Variants in PTPRK observed in about 807,000 individuals in gnomAD.
PTPRK encodes receptor-type tyrosine-protein phosphatase kappa.
In PTPRK, 75 loss-of-function variants were observed where a neutral mutation model predicts 178.0. That is an observed-to-expected ratio of 0.42 (90% CI 0.35 to 0.51). The LOEUF (loss-of-function observed/expected upper bound fraction) is 0.51. PTPRK is among the 20% of genes least tolerant of loss of function. The pLI is 0.02. For missense variants in PTPRK, 1,441 were observed against 1,797.8 expected, an observed-to-expected ratio of 0.80 and a Z score of 3.59; for synonymous variants, 637 against 620.6, an observed-to-expected ratio of 1.03 and a Z score of -0.39.
chr6:128,399,965 A>C (rs983326754), intron 1 of PTPRK, among the ~76,000 whole-genome samples: 6 of 152,320 alleles, frequency 3.9e-5, no homozygotes, highest in African/African-American at 1.4e-4. Context: ...TCTAATTTAC[A>C]ACAAGGTCTA....
At chr6:128,256,053 G>T (rs528253156) in intron 3 of PTPRK, among the ~76,000 whole-genome samples, 49 of 152,302 alleles carry the variant, frequency 3.2e-4, no homozygotes, top group African/African-American at 1.0e-3. Context: ...AGAAATTTAT[G>T]GAGTGTCTAA....
intron 13 of PTPRK, among the ~76,000 whole-genome samples, chr6:128,042,516 C>G (rs1405154642): frequency 6.6e-6 from 1 of 152,052 alleles, no homozygotes; most frequent in Non-Finnish European, 1.5e-5. Context: ...CAAAGCAGGC[C>G]ATTCCCACTT....
At chr6:128,136,611 T>C (rs188454833) in intron 7 of PTPRK, among the ~76,000 whole-genome samples, 408 of 152,332 alleles carry the variant, frequency 2.7e-3, no homozygotes, top group African/African-American at 9.3e-3. Flanking sequence ...CTTGGCTAGG[T>C]ACCTGTCTGC....
intron 7 of PTPRK, among the ~76,000 whole-genome samples, chr6:128,123,467 T>G (rs2114410691): frequency 6.6e-6 from 1 of 152,276 alleles, no homozygotes; most frequent in African/African-American, 2.4e-5. Context: ...TAAAAATAAA[T>G]TTTTAGAATA....
chr6:128,506,488 C>A (rs905072340), intron 1 of PTPRK, among the ~76,000 whole-genome samples: 5 of 151,772 alleles, frequency 3.3e-5, no homozygotes, highest in Middle Eastern at 3.4e-3. Context: ...AGACCCTGAT[C>A]TCTACAAAAA....
At chr6:128,123,409 A>C (rs1792797847) in intron 7 of PTPRK, among the ~76,000 whole-genome samples, 1 of 151,774 alleles carries the variant, frequency 6.6e-6, no homozygotes. Flanking sequence ...GGAAATTTGT[A>C]CTTTTTTTTT....
intron 3 of PTPRK, among the ~76,000 whole-genome samples, chr6:128,308,306 T>C (rs1457030943): frequency 2.0e-5 from 3 of 151,996 alleles, no homozygotes; most frequent in Admixed American, 6.6e-5. Flanking sequence ...AAGTGATTAA[T>C]AGAGAGAAAC....
chr6:128,298,632 C>G (rs1355006040), intron 3 of PTPRK, among the ~76,000 whole-genome samples: 2 of 152,116 alleles, frequency 1.3e-5, no homozygotes, highest in Non-Finnish European at 2.9e-5. Context: ...ATGATTATCT[C>G]AATAGATGCA....
intron 7 of PTPRK, among the ~76,000 whole-genome samples, chr6:128,096,929 T>TA (rs566036121): frequency 1.6e-3 from 241 of 152,334 alleles, no homozygotes; most frequent in Non-Finnish European, 2.5e-3. Flanking sequence ...ACTTAAGGTC[T>TA]TTGAAAGACA....
intron 1 of PTPRK, among the ~76,000 whole-genome samples, chr6:128,418,202 C>A (rs1843053593): frequency 6.6e-6 from 1 of 152,106 alleles, no homozygotes. Context: ...CCATCCCCAC[C>A]CTCGCACTCC....
At chr6:128,091,780 A>G (rs903511391) in intron 7 of PTPRK, among the ~76,000 whole-genome samples, 8 of 152,008 alleles carry the variant, frequency 5.3e-5, no homozygotes, top group African/African-American at 9.7e-5. Flanking sequence ...CCTTGTATAA[A>G]TTTCTCTATT....
At chr6:127,990,115 C>T (rs1776435132) in intron 21 of PTPRK, among the ~76,000 whole-genome samples, 1 of 152,124 alleles carries the variant, frequency 6.6e-6, no homozygotes, top group Non-Finnish European at 1.5e-5. Context: ...CCTACAATGG[C>T]AGCCTAACTC....
intron 3 of PTPRK, among the ~76,000 whole-genome samples, chr6:128,276,921 T>C (rs1417031235): frequency 1.3e-5 from 2 of 152,154 alleles, no homozygotes; most frequent in African/African-American, 4.8e-5. Context: ...GAGATATATA[T>C]ACTCTTCCAA....
chr6:128,365,096 T>C (rs1186248070), intron 2 of PTPRK, among the ~76,000 whole-genome samples: 1 of 152,088 alleles, frequency 6.6e-6, no homozygotes, highest in Non-Finnish European at 1.5e-5. Context: ...AAAGAATGTC[T>C]AATGAGCACT....
chr6:128,451,883 T>G (rs749286964), intron 1 of PTPRK, among the ~76,000 whole-genome samples: 10 of 152,308 alleles, frequency 6.6e-5, no homozygotes, highest in Non-Finnish European at 1.3e-4. Context: ...ATCTACATTA[T>G]AGCATGGTTT....
intron 1 of PTPRK, among the ~76,000 whole-genome samples, chr6:128,447,623 C>T (rs754569301): frequency 8.0e-5 from 12 of 150,022 alleles, no homozygotes; most frequent in Non-Finnish European, 1.6e-4. Flanking sequence ...GATTCAAAAC[C>T]GTGCCTTTTT....
intron 12 of PTPRK, 106 bp from the exon 13 acceptor site, chr6:128,064,900 T>TTTG: frequency 8.1e-7 from 1 of 1,231,346 alleles, no homozygotes; most frequent in South Asian, 2.5e-5. Context: ...TAAAAAGGGA[T>TTTG]TATAAACAAC....
chr6:128,477,321 C>T (rs1851488932), intron 1 of PTPRK, among the ~76,000 whole-genome samples: 1 of 148,852 alleles, frequency 6.7e-6, no homozygotes, highest in African/African-American at 2.5e-5. Flanking sequence ...CTTTTCTGTA[C>T]CCTATACACA....
At chr6:128,047,337 A>T (rs1778220302) in intron 13 of PTPRK, among the ~76,000 whole-genome samples, 1 of 152,230 alleles carries the variant, frequency 6.6e-6, no homozygotes, top group Non-Finnish European at 1.5e-5. Flanking sequence ...AATCTGACTT[A>T]GACATTCCCA....
Sources: allele counts gnomAD v4.1 joint callset (sites outside exome capture counted in the v4.1 genomes callset), GRCh38; gene constraint gnomAD v4.1.1; transcripts MANE v1.5; gene names NCBI Gene and HGNC (gene_info 2026-07-23, HGNC 2026-07-21).